Variants in CCDC60 observed in about 807,000 individuals in gnomAD.
The protein encoded by CCDC60 is coiled-coil domain-containing protein 60.
A neutral mutation model predicts 63.5 loss-of-function variants in CCDC60; 54 were observed. The ratio of observed to expected loss-of-function variants is 0.85; its 90% CI spans 0.68 to 1.07. The LOEUF (loss-of-function observed/expected upper bound fraction) is 1.07, where lower values mean the gene tolerates loss of function less well. CCDC60 is among the 50% of genes least tolerant of loss of function. The pLI, the probability that CCDC60 is intolerant of heterozygous loss-of-function variation, is 0.00. For missense variants in CCDC60, 651 were observed against 684.3 expected, an observed-to-expected ratio of 0.95 and a Z score of 0.54; for synonymous variants, 206 against 238.8, an observed-to-expected ratio of 0.86 and a Z score of 1.27.
intron 1 of CCDC60, among the ~76,000 whole-genome samples, chr12:119,362,854 T>C (rs918918775): frequency 1.3e-5 from 2 of 152,194 alleles, no homozygotes; most frequent in African/African-American, 4.8e-5. Flanking sequence ...ATCCCAGCAC[T>C]TTGGGAGGCC....
At chr12:119,375,218 C>T (rs1008728724) in intron 1 of CCDC60, among the ~76,000 whole-genome samples, 1 of 152,196 alleles carries the variant, frequency 6.6e-6, no homozygotes, top group African/African-American at 2.4e-5. Context: ...TGGACAGAAA[C>T]TTTTGCCCCA....
In CCDC60 at chr12:119,410,283, G is replaced by A. The variant is rs767649517; in HGVS notation, c.91-18400G>A. On this transcript the variant is annotated intron_variant, in intron 1 of 13. Transcript: ENST00000327554. The surrounding 1 kb of genome is among the most constrained non-coding windows in gnomAD (Gnocchi z 4.0). ...GATAACACTATTCATTTCCAGGGAG[G>A]GAAATGAATGGTTTGAGGACAAGGT... Among the ~76,000 whole-genome samples, 4 of 151,636 alleles carry A rather than the reference G, an allele frequency of 2.6e-5. No individual in the cohort carries two copies. The highest frequency in any genetic ancestry group is 4.4e-5 in the Non-Finnish European group (3 of 67,908).
At chr12:119,391,671 CA>C (rs1475340516) in intron 1 of CCDC60, among the ~76,000 whole-genome samples, 1 of 152,224 alleles carries the variant, frequency 6.6e-6, no homozygotes, top group Non-Finnish European at 1.5e-5. Context: ...TGGCACCTAG[CA>C]AATGAGAGCT....
At chr12:119,448,666 G>A (rs745705806) in intron 2 of CCDC60, among the ~76,000 whole-genome samples, 10 of 152,190 alleles carry the variant, frequency 6.6e-5, no homozygotes, top group South Asian at 2.1e-4. Context: ...CAAGAATGGC[G>A]GTGGGGAGGG....
At chr12:119,435,337 T>G (rs1950304427) in intron 2 of CCDC60, among the ~76,000 whole-genome samples, 1 of 152,104 alleles carries the variant, frequency 6.6e-6, no homozygotes, top group South Asian at 2.1e-4. Flanking sequence ...GTGAGGGGGC[T>G]TATAAATTAA....
chr12:119,479,995 TACACACACACACACAC>T (rs56080581), intron 4 of CCDC60, among the ~76,000 whole-genome samples: 84 of 122,072 alleles, frequency 6.9e-4, no homozygotes, highest in African/African-American at 2.0e-3. Context: ...CCGTACATCA[TACACACACACACACAC>T]ACACACACAC....
At chr12:119,493,870 A>G (rs1951656243) in intron 5 of CCDC60, among the ~76,000 whole-genome samples, 1 of 152,090 alleles carries the variant, frequency 6.6e-6, no homozygotes, top group Admixed American at 6.6e-5. Context: ...TTGCATTTTA[A>G]AAAGGAAATA....
chr12:119,449,851 C>G (rs1033640493), intron 2 of CCDC60, among the ~76,000 whole-genome samples: 8 of 152,018 alleles, frequency 5.3e-5, no homozygotes, highest in African/African-American at 1.7e-4. Context: ...AAGGCTCATA[C>G]CTAATCAAGT....
intron 4 of CCDC60, among the ~76,000 whole-genome samples, chr12:119,481,096 A>T (rs1176506084): frequency 1.3e-5 from 2 of 152,218 alleles, no homozygotes; most frequent in East Asian, 3.9e-4. Flanking sequence ...CATCATCATC[A>T]TCACATTGTG....
intron 1 of CCDC60, 55 bp downstream of exon 1, chr12:119,335,321 A>C: frequency 1.5e-6 from 2 of 1,337,486 alleles, no homozygotes; most frequent in South Asian, 2.6e-5. Flanking sequence ...GTGAAATAGG[A>C]ATTAGCTGGG....
At chr12:119,491,418 T>G (rs1475474960) in intron 5 of CCDC60, among the ~76,000 whole-genome samples, 1 of 152,174 alleles carries the variant, frequency 6.6e-6, no homozygotes, top group African/African-American at 2.4e-5. Flanking sequence ...AACCTCCGCC[T>G]CCTGGGTTCA....
At chr12:119,419,856 A>C (rs11064790) in intron 1 of CCDC60, among the ~76,000 whole-genome samples, 91,157 of 147,366 alleles carry the variant, frequency 0.62, 28,490 homozygotes, top group South Asian at 0.71. Context: ...ACAAGGAGAG[A>C]TGTTAAATAA....
At chr12:119,345,883 T>C (rs370161401) in intron 1 of CCDC60, among the ~76,000 whole-genome samples, 253 of 152,120 alleles carry the variant, frequency 1.7e-3, no homozygotes, top group African/African-American at 5.9e-3. Context: ...AGTGGCGCGA[T>C]CTCAGCTCAA....
At chr12:119,464,560 C>G (rs1950917889) in intron 2 of CCDC60, among the ~76,000 whole-genome samples, 1 of 152,104 alleles carries the variant, frequency 6.6e-6, no homozygotes, top group African/African-American at 2.4e-5. Flanking sequence ...CAAGGGAACC[C>G]CCGAAAAACC....
At chr12:119,368,077 G>C (rs1955860130) in intron 1 of CCDC60, among the ~76,000 whole-genome samples, 1 of 149,374 alleles carries the variant, frequency 6.7e-6, no homozygotes, top group Non-Finnish European at 1.5e-5. Flanking sequence ...AGAACAAGAA[G>C]AAGGAGGAGG....
At chr12:119,486,592 G>A (rs1656191757) in intron 4 of CCDC60, among the ~76,000 whole-genome samples, 1 of 152,198 alleles carries the variant, frequency 6.6e-6, no homozygotes, top group Non-Finnish European at 1.5e-5. Flanking sequence ...GGAATAGTAG[G>A]CGCTTAGTAG....
chr12:119,413,203 G>T (rs1956637509), intron 1 of CCDC60, among the ~76,000 whole-genome samples: 1 of 152,168 alleles, frequency 6.6e-6, no homozygotes, highest in African/African-American at 2.4e-5. Context: ...TAACTGGGTG[G>T]ATAACACATT....
intron 1 of CCDC60, among the ~76,000 whole-genome samples, chr12:119,339,437 A>C (rs1274451991): frequency 1.3e-5 from 2 of 152,172 alleles, no homozygotes; most frequent in East Asian, 3.9e-4. Flanking sequence ...AGATCCTAAA[A>C]CTTCCAGGAA....
At chr12:119,479,273 G>T in intron 4 of CCDC60, 72 bp downstream of exon 4, 1 of 1,032,394 alleles carries the variant, frequency 9.7e-7, no homozygotes. Flanking sequence ...ATGACTCAAC[G>T]AGCTGTCATG....
Sources: gnomAD v4.1 joint callset for allele counts (sites outside exome capture counted in the v4.1 genomes callset) on GRCh38, gnomAD v4.1.1 for gene constraint, Gnocchi (gnomAD v3.1) non-coding constraint, MANE v1.5 for transcripts, NCBI Gene and HGNC (gene_info 2026-07-23, HGNC 2026-07-21) for gene names.